Variants in KIAA0930 observed in about 807,000 individuals in gnomAD.
The protein encoded by KIAA0930 is KIAA0930, also known as uncharacterized protein KIAA0930.
In KIAA0930, 24 loss-of-function variants were observed where a neutral mutation model predicts 43.9. The observed-to-expected ratio is 0.55, with a 90% confidence interval of 0.40 to 0.77. The LOEUF is 0.77. Among genes scored for constraint, KIAA0930 ranks in the 30% least tolerant of loss-of-function variants. KIAA0930 has a pLI of 0.00. For synonymous variants in KIAA0930, 259 were observed against 216.4 expected, an observed-to-expected ratio of 1.20 and a Z score of -1.73; for missense variants, 461 against 574.2, an observed-to-expected ratio of 0.80 and a Z score of 2.02.
intron 1 of KIAA0930, among the ~76,000 whole-genome samples, chr22:45,222,130 A>T (rs577176083): frequency 1.4e-4 from 21 of 152,350 alleles, no homozygotes; most frequent in Admixed American, 1.3e-3. Context: ...GAAAAAGAAT[A>T]AGGTTGGGTC....
chr22:45,203,131 G>A lies in KIAA0930; in HGVS notation c.711C>T (p.Tyr237=), dbSNP rs1373808382. The A allele has an allele frequency of 2.5e-6, 4 of 1,613,410 alleles. No individual in the cohort carries two copies. The East Asian group carries it at 8.9e-5, about 36-fold the overall frequency. ...AQKMSFGFYK[Y]SNMEFVRMKG... ...TCATGCGCACAAACTCCATGTTGCT[G>A]TACTTGTAGAAGCCAAACGACATCT... The change falls in exon 7 of 10, where the codon TAC becomes TAT. Residue 237 remains tyrosine (Y), a synonymous_variant. Coordinates refer to ENST00000336156, the MANE Select transcript of KIAA0930 (RefSeq NM_001009880.2).
chr22:45,229,835 T>C (rs1003815311), intron 1 of KIAA0930, among the ~76,000 whole-genome samples: 4 of 152,356 alleles, frequency 2.6e-5, no homozygotes, highest in African/African-American at 9.6e-5. Context: ...GGCTCATGCC[T>C]GTAATCTCAA....
intron 2 of KIAA0930, among the ~76,000 whole-genome samples, chr22:45,207,263 G>A (rs888797293): frequency 2.7e-5 from 4 of 150,892 alleles, no homozygotes; most frequent in Non-Finnish European, 4.4e-5. Flanking sequence ...TACCCACCTC[G>A]GCCTCCCAAA....
chr22:45,212,171 T>TGGCCA (rs2083700206), intron 1 of KIAA0930, 64 bp from the exon 2 acceptor site: 1 of 1,612,910 alleles, frequency 6.2e-7, no homozygotes, highest in Admixed American at 1.7e-5. Flanking sequence ...AGCATGGCCT[T>TGGCCA]GGCCAAGCTG....
intron 8 of KIAA0930, 62 bp from the exon 9 acceptor site, chr22:45,198,010 G>A (rs2083553169): frequency 6.4e-7 from 1 of 1,557,780 alleles, no homozygotes; most frequent in Non-Finnish European, 8.8e-7. Context: ...AGCAGCAGGA[G>A]GCCAGCTCCC....
chr22:45,196,936 T>TG lies in KIAA0930; in HGVS notation c.*239dup, dbSNP rs1279272230. On this transcript the variant is annotated 3_prime_UTR_variant, in exon 10 of 10. Coordinates refer to ENST00000336156, the MANE Select transcript of KIAA0930 (RefSeq NM_001009880.2). This position sits in a 1 kb window ranked among gnomAD's most constrained non-coding sequence, Gnocchi z 4.1. The stretch of plus-strand genomic sequence containing the variant: ...GTGCAGAGGGCTCTCCAGAGATGGG[T>TG]GGGGGGCGATGGGCGGGGGGCACAG... 4.5e-6 allele frequency: 2 copies of TG among 446,164 alleles called. No homozygotes were observed. The highest frequency in any genetic ancestry group is 7.8e-6 in the Non-Finnish European group (2 of 257,490). The allele number at this position is 446,164 out of a possible 1,614,324, so 27.6% of individuals were successfully genotyped here. A position where few individuals can be genotyped will look rare whatever the true frequency, so the allele number is the denominator to read the frequency against.
chr22:45,205,364 C>G (rs766157499), intron 4 of KIAA0930, 46 bp from the exon 5 acceptor site: 3 of 1,542,898 alleles, frequency 1.9e-6, no homozygotes, highest in Admixed American at 3.4e-5. Context: ...CCACCCGGCA[C>G]ACAGGCCCAG....
At chr22:45,233,198 CCA>C (rs775858627) in intron 1 of KIAA0930, among the ~76,000 whole-genome samples, 5 of 152,102 alleles carry the variant, frequency 3.3e-5, no homozygotes, top group East Asian at 1.9e-4. Context: ...ATGAATTACA[CCA>C]CAGACTCCAG....
In KIAA0930 at chr22:45,193,624, T is replaced by C. The variant is rs1315859617; in HGVS notation, c.*3552A>G. On this transcript the variant is annotated 3_prime_UTR_variant, in exon 10 of 10. Transcript: ENST00000336156. Reference sequence around the variant, plus strand: ...CTCACAGTCCATAAGAATCCAAAAGTGAGCGGCGACTTCACTCAGCAACCC... The same window carrying C: ...CTCACAGTCCATAAGAATCCAAAAGCGAGCGGCGACTTCACTCAGCAACCC... The C allele has an allele frequency of 6.6e-6, 1 of 152,196 alleles. No individual in the cohort carries two copies. Among genetic ancestry groups the C allele is most frequent in the Non-Finnish European group, 1.5e-5 (1 of 68,038 alleles). The allele number at this position is 152,196 out of a possible 1,614,324, so 9.4% of individuals were successfully genotyped here. A position where few individuals can be genotyped will look rare whatever the true frequency, so the allele number is the denominator to read the frequency against.
chr22:45,233,678 C>G (rs1018559078), intron 1 of KIAA0930, among the ~76,000 whole-genome samples: 3 of 152,086 alleles, frequency 2.0e-5, no homozygotes, highest in Non-Finnish European at 2.9e-5. Context: ...GCAGGACAGC[C>G]GGGTTTGGGT....
intron 5 of KIAA0930, 123 bp downstream of exon 5, chr22:45,205,094 C>G: frequency 1.3e-6 from 1 of 746,316 alleles, no homozygotes; most frequent in Non-Finnish European, 2.3e-6. Flanking sequence ...CTGCCTCAGC[C>G]GGACTCTTCC....
Position 45,192,862 on chromosome 22 carries a change from C to T in KIAA0930, c.*4314G>A, listed in dbSNP as rs1295891691. On this transcript the variant is annotated 3_prime_UTR_variant, in exon 10 of 10. Transcript: ENST00000336156. ...GTGTCCCGAGGAGTGCTCCAGGGCT[C>T]GGAGAAGGGGCTCAGGGGTCCTTTT... 1 of 152,222 alleles carries T rather than the reference C, an allele frequency of 6.6e-6. No homozygotes were observed. Among genetic ancestry groups the T allele is most frequent in the African/African-American group, 2.4e-5 (1 of 41,456 alleles). 9.4% of individuals were successfully genotyped at this position (152,222 alleles called of 1,614,324 possible). A position where few individuals can be genotyped will look rare whatever the true frequency, so the allele number is the denominator to read the frequency against.
intron 2 of KIAA0930, among the ~76,000 whole-genome samples, chr22:45,210,115 A>C (rs2083679505): frequency 6.6e-6 from 1 of 152,202 alleles, no homozygotes; most frequent in African/African-American, 2.4e-5. Flanking sequence ...CAAAATTCAA[A>C]GTACAGCTGA....
At chr22:45,233,325 G>C (rs987156348) in intron 1 of KIAA0930, among the ~76,000 whole-genome samples, 1 of 152,192 alleles carries the variant, frequency 6.6e-6, no homozygotes, top group African/African-American at 2.4e-5. Context: ...AGGGTGGGCA[G>C]ACTGAGGCAG....
At chr22:45,234,032 G>A (rs1337453324) in intron 1 of KIAA0930, among the ~76,000 whole-genome samples, 1 of 152,246 alleles carries the variant, frequency 6.6e-6, no homozygotes, top group East Asian at 1.9e-4. Context: ...CCTGGACTGG[G>A]GCTTGCAGAG....
chr22:45,231,394 T>C (rs533204148), intron 1 of KIAA0930, among the ~76,000 whole-genome samples: 26 of 152,082 alleles, frequency 1.7e-4, no homozygotes, highest in Non-Finnish European at 2.2e-4. Flanking sequence ...GGAAGAAAGA[T>C]AGTTTTCACC....
chr22:45,205,203 T>G lies in KIAA0930; in HGVS notation c.516+14A>C. On this transcript the variant is annotated intron_variant, in intron 5 of 9. Coordinates refer to ENST00000336156, the MANE Select transcript of KIAA0930 (RefSeq NM_001009880.2). Reference sequence around the variant, plus strand: ...AAGGGGAAGCTAAGGAGAGAGGCCCTGTGCAGAGCTCACCTCCTCGAAGCT... The same window carrying G: ...AAGGGGAAGCTAAGGAGAGAGGCCCGGTGCAGAGCTCACCTCCTCGAAGCT... The G allele has an allele frequency of 6.3e-7, 1 of 1,599,498 alleles. No individual in the cohort carries two copies. Among genetic ancestry groups the G allele is most frequent in the Non-Finnish European group, 8.6e-7 (1 of 1,166,688 alleles).
At chr22:45,225,624 A>G (rs1208835971) in intron 1 of KIAA0930, among the ~76,000 whole-genome samples, 2 of 152,136 alleles carry the variant, frequency 1.3e-5, no homozygotes, top group Non-Finnish European at 2.9e-5. Flanking sequence ...GGCACAGGGC[A>G]CAAGCACGGC....
intron 1 of KIAA0930, among the ~76,000 whole-genome samples, chr22:45,230,975 G>A (rs1458686222): frequency 7.2e-5 from 11 of 151,960 alleles, no homozygotes; most frequent in Non-Finnish European, 1.5e-4. Flanking sequence ...GCTGGGCACG[G>A]TGCCTCAACA....
Sources: gnomAD v4.1 joint callset for allele counts (sites outside exome capture counted in the v4.1 genomes callset) on GRCh38, gnomAD v4.1.1 for gene constraint, Gnocchi (gnomAD v3.1) non-coding constraint, MANE v1.5 for transcripts, NCBI Gene and HGNC (gene_info 2026-07-23, HGNC 2026-07-21) for gene names.